The following STRBP variants were observed in gnomAD, a reference collection of about 807,000 sequenced individuals.
The protein encoded by STRBP is spermatid perinuclear RNA binding protein, also known as spermatid perinuclear RNA-binding protein.
STRBP carries 13 observed loss-of-function variants against 80.1 expected under a neutral mutation model. The observed-to-expected ratio is 0.16, with a 90% CI of 0.11 to 0.26. The LOEUF is 0.26. Among genes scored for constraint, STRBP ranks in the 10% least tolerant of loss-of-function variants. The pLI, the probability that STRBP is intolerant of heterozygous loss-of-function variation, is 1.00. For synonymous variants in STRBP, 284 were observed against 291.2 expected (o/e 0.98, Z 0.25); for missense variants, 485 against 815.2 (o/e 0.59, Z 4.93).
chr9:123,175,121 G>A (rs1289183510), intron 4 of STRBP, among the ~76,000 whole-genome samples: 1 of 152,190 alleles, frequency 6.6e-6, no homozygotes, highest in Non-Finnish European at 1.5e-5. Context: ...GACAAGAAAT[G>A]TGAGCCTCAG....
At chr9:123,221,337 C>G (rs1004423377) in intron 2 of STRBP, among the ~76,000 whole-genome samples, 5 of 152,210 alleles carry the variant, frequency 3.3e-5, no homozygotes, top group African/African-American at 9.6e-5. Context: ...ATGCTCTTCA[C>G]GCTCTATCAG....
At chr9:123,216,547 C>A (rs1234984709) in intron 2 of STRBP, among the ~76,000 whole-genome samples, 1 of 152,136 alleles carries the variant, frequency 6.6e-6, no homozygotes, top group African/African-American at 2.4e-5. Flanking sequence ...ATGTCGTGAC[C>A]ACAGCTGCTG....
intron 11 of STRBP, among the ~76,000 whole-genome samples, chr9:123,149,517 T>C (rs942245767): frequency 6.6e-5 from 10 of 152,196 alleles, no homozygotes; most frequent in African/African-American, 2.4e-4. Flanking sequence ...TACATAGAGT[T>C]CTATGGATTA....
At chr9:123,257,830 T>A (rs1219877026) in intron 1 of STRBP, among the ~76,000 whole-genome samples, 3 of 151,660 alleles carry the variant, frequency 2.0e-5, no homozygotes, top group Admixed American at 2.0e-4. Context: ...AAAATAATAA[T>A]AATTGTATAT....
In STRBP at chr9:123,158,344, G is replaced by A; in HGVS notation, c.921C>T (p.Thr307=). ...YMTIQQKEDI[T]HSAQHALRLS... ...CTCAATCTTCTACCTGTGCACTGTG[G>A]GTAATATCTTCTTTTTGCTGGATGG... Residue 307 remains threonine (T), a synonymous_variant, in exon 10 of 19, where the codon ACC becomes ACT. Coordinates refer to ENST00000348403, the MANE Select transcript of STRBP (RefSeq NM_018387.5). The A allele has an allele frequency of 6.2e-7, 1 of 1,613,340 alleles. No individual in the cohort carries two copies. The highest frequency in any genetic ancestry group is 1.3e-5 in the African/African-American group (1 of 74,908).
In STRBP at chr9:123,187,602, C is replaced by T. The variant is rs565306237; in HGVS notation, c.-164-3304G>A. Among the ~76,000 whole-genome samples the T allele has an allele frequency of 5.9e-3, 905 of 152,248 alleles. 4 individuals are homozygous for T. Among genetic ancestry groups the T allele is most frequent in the Non-Finnish European group, 9.1e-3 (620 of 68,016 alleles). On this transcript the variant is annotated intron_variant, in intron 2 of 18. Transcript: ENST00000348403. The stretch of plus-strand genomic sequence containing the variant: ...ACTATGCACTCCTTAGAACAGCTTA[C>T]GCAGAAGGTGGCATTATATATAAAG...
At chr9:123,118,097 A>G (rs946567866), downstream of STRBP, among the ~76,000 whole-genome samples, 4 of 152,218 alleles carry the variant, frequency 2.6e-5, no homozygotes, top group Non-Finnish European at 5.9e-5. Flanking sequence ...ATGGAATAGA[A>G]AAAGGCTTTA....
At position 123,123,157 on chromosome 9, in the gene STRBP, T is replaced by C. The variant is rs1485712143; in HGVS notation, c.*2440A>G. 1 of 985,108 alleles carries C rather than the reference T, an allele frequency of 1.0e-6. No homozygotes were observed. The highest frequency in any genetic ancestry group is 1.1e-4 in the East Asian group (1 of 8,808). 61.0% of individuals were successfully genotyped at this position (985,108 alleles called of 1,614,324 possible). ...AAGAAATCTTGAGGGCCCAAGTGAATAATAAATGGTGCGACGCTCAGAGGC... is the reference window on the plus strand; with the variant it reads ...AAGAAATCTTGAGGGCCCAAGTGAACAATAAATGGTGCGACGCTCAGAGGC... On this transcript the variant is annotated 3_prime_UTR_variant, in exon 19 of 19. Transcript: ENST00000348403.
intron 3 of STRBP, among the ~76,000 whole-genome samples, chr9:123,181,382 C>T (rs763326834): frequency 3.3e-5 from 5 of 152,156 alleles, no homozygotes; most frequent in African/African-American, 7.2e-5. Context: ...AGCAAAACTG[C>T]GTATTGCTAC....
At chr9:123,238,004 T>C (rs1564328909) in intron 1 of STRBP, among the ~76,000 whole-genome samples, 1 of 152,226 alleles carries the variant, frequency 6.6e-6, no homozygotes, top group African/African-American at 2.4e-5. Context: ...AGATCGGAAC[T>C]TAACCTTTCT....
intron 8 of STRBP, among the ~76,000 whole-genome samples, chr9:123,159,998 G>C (rs2037454907): frequency 6.6e-6 from 1 of 152,130 alleles, no homozygotes; most frequent in South Asian, 2.1e-4. Flanking sequence ...GGTAATGCAA[G>C]GGGGCACCAA....
chr9:123,264,919 C>A (rs12376905), intron 1 of STRBP, among the ~76,000 whole-genome samples: 1 of 152,172 alleles, frequency 6.6e-6, no homozygotes, highest in Non-Finnish European at 1.5e-5. Flanking sequence ...GAAACAATGG[C>A]TATGTTGGAG....
chr9:123,160,996 C>T lies in STRBP; in HGVS notation c.608G>A (p.Arg203Gln). ...GCCAACCTGAAACCATTTGGCATGT[C>T]GAAGAGACGCCAAGGCGTTCAGGCA... ...QKCLNALASL[R>Q]HAKWFQARAN... Residue 203 changes from arginine (R) to glutamine (Q), a missense_variant, in exon 7 of 19, where the codon CGA (arginine) becomes CAA (glutamine). Coordinates refer to ENST00000348403, the MANE Select transcript of STRBP (RefSeq NM_018387.5). 1.3e-6 allele frequency: 2 copies of T among 1,586,432 alleles called. No homozygotes were observed. Among genetic ancestry groups the T allele is most frequent in the Non-Finnish European group, 1.7e-6 (2 of 1,172,848 alleles).
intron 3 of STRBP, chr9:123,114,969 G>A (rs573500126): frequency 1.1e-4 from 39 of 346,054 alleles, no homozygotes; most frequent in African/African-American, 8.4e-4. Context: ...CTGGCCAATG[G>A]CAACAGCCTC....
chr9:123,183,390 T>C lies in STRBP; in HGVS notation c.3+742A>G, dbSNP rs145778223. 4.4e-3 allele frequency among the ~76,000 whole-genome samples: 662 copies of C among 151,980 alleles called. 4 individuals carry two copies. The highest frequency in any genetic ancestry group is 0.015 in the African/African-American group (601 of 41,434). On this transcript the variant is annotated intron_variant, in intron 3 of 18. Coordinates refer to ENST00000348403, the MANE Select transcript of STRBP (RefSeq NM_018387.5). ...AGACGGAGGTTGCAGTGAGCCGAGA[T>C]TGCGCCATTGCATTCCAGCCCGGGC...
At chr9:123,243,891 C>T (rs964349293) in intron 1 of STRBP, among the ~76,000 whole-genome samples, 1 of 152,142 alleles carries the variant, frequency 6.6e-6, no homozygotes, top group Non-Finnish European at 1.5e-5. Flanking sequence ...AGTCTTACAA[C>T]ACAATACAAT....
chr9:123,224,119 A>G (rs574620209), intron 2 of STRBP, among the ~76,000 whole-genome samples: 1 of 152,318 alleles, frequency 6.6e-6, no homozygotes, highest in South Asian at 2.1e-4. Context: ...GAAAACATCT[A>G]CTCATATTTA....
intron 16 of STRBP, among the ~76,000 whole-genome samples, chr9:123,135,410 A>G (rs1277580600): frequency 2.6e-5 from 4 of 152,194 alleles, no homozygotes; most frequent in Non-Finnish European, 4.4e-5. Flanking sequence ...CAGGCATATG[A>G]TGTATGACTA....
At chr9:123,153,322 C>T (rs560386843) in intron 11 of STRBP, among the ~76,000 whole-genome samples, 4 of 152,062 alleles carry the variant, frequency 2.6e-5, no homozygotes, top group South Asian at 4.2e-4. Flanking sequence ...TCCCGAGTAG[C>T]TGGGATTACA....
Sources: gnomAD v4.1 joint callset for allele counts (sites outside exome capture counted in the v4.1 genomes callset) on GRCh38, gnomAD v4.1.1 for gene constraint, MANE v1.5 for transcripts, NCBI Gene and HGNC (gene_info 2026-07-23, HGNC 2026-07-21) for gene names.